Variants in UBR1 observed in about 807,000 individuals in gnomAD.
UBR1 encodes the protein ubiquitin protein ligase E3 component n-recognin 1.
In UBR1, 102 loss-of-function variants were observed where a neutral mutation model predicts 242.1. The ratio of observed to expected loss-of-function variants is 0.42; its 90% CI spans 0.36 to 0.50. The LOEUF is 0.50. Ranked by LOEUF, UBR1 falls within the 20% of genes least tolerant of loss-of-function variation. UBR1 has a pLI of 0.01. For missense variants in UBR1, 1,772 were observed against 2,101.8 expected, an observed-to-expected ratio of 0.84 and a Z score of 3.07; for synonymous variants, 675 against 684.8, an observed-to-expected ratio of 0.99 and a Z score of 0.22.
At chr15:43,034,769 C>T (rs958746505) in intron 19 of UBR1, among the ~76,000 whole-genome samples, 1 of 151,422 alleles carries the variant, frequency 6.6e-6, no homozygotes, top group African/African-American at 2.4e-5. Flanking sequence ...CCTGTAATCC[C>T]AGCTATTCAG....
chr15:42,986,271 A>T (rs1377717894), intron 35 of UBR1, among the ~76,000 whole-genome samples: 1 of 152,198 alleles, frequency 6.6e-6, no homozygotes, highest in East Asian at 1.9e-4. Context: ...TTGTTTATGT[A>T]CTAAGAATAA....
At chr15:43,076,815 GA>G (rs2033906508) in intron 3 of UBR1, among the ~76,000 whole-genome samples, 1 of 129,234 alleles carries the variant, frequency 7.7e-6, no homozygotes, top group Non-Finnish European at 1.7e-5. Context: ...CCCCGTCCGG[GA>G]GGTGAGGGGC....
intron 6 of UBR1, among the ~76,000 whole-genome samples, chr15:43,065,118 A>G (rs2033736320): frequency 6.6e-6 from 1 of 152,212 alleles, no homozygotes; most frequent in African/African-American, 2.4e-5. Flanking sequence ...ATTAACCTTT[A>G]AAGTTCCTTC....
intron 41 of UBR1, among the ~76,000 whole-genome samples, chr15:42,965,696 A>C (rs1386848505): frequency 6.6e-6 from 1 of 152,068 alleles, no homozygotes; most frequent in Non-Finnish European, 1.5e-5. Context: ...CGAACTCCTG[A>C]CCTCAAGTGA....
At chr15:43,045,452 G>A (rs1006449130) in intron 14 of UBR1, among the ~76,000 whole-genome samples, 2 of 152,052 alleles carry the variant, frequency 1.3e-5, no homozygotes, top group Middle Eastern at 3.2e-3. Flanking sequence ...GGGTGACAGA[G>A]TAAGACCTTG....
Position 43,036,514 on chromosome 15 carries a change from A to G in UBR1, c.2088+14T>C. On this transcript the variant is annotated intron_variant, in intron 18 of 46. Coordinates refer to ENST00000290650, the MANE Select transcript of UBR1 (RefSeq NM_174916.3). ...GATGAAGACACAAATATCAGAAACA[A>G]TTTAAATAGGTACCTGAAGCATGAT... 6.4e-7 allele frequency: 1 copy of G among 1,566,476 alleles called. No homozygotes were observed. Among genetic ancestry groups the G allele is most frequent in the East Asian group, 2.2e-5 (1 of 44,484 alleles).
rs768594604 is a variant in UBR1, at chr15:42,976,785, T to C, written c.4301A>G (p.Asn1434Ser). 1.9e-6 allele frequency: 3 copies of C among 1,613,874 alleles called. No homozygotes were observed. The African/African-American group carries it at 4.0e-5, about 22-fold the overall frequency. ...LQPSSVSSSY[N>S]HLYLFHLITM... ...GATCAAATGGAAGAGATAAAGGTGGTTATAGGAAGAACTAACTGAAGAAGG... is the reference window on the plus strand; with the variant it reads ...GATCAAATGGAAGAGATAAAGGTGGCTATAGGAAGAACTAACTGAAGAAGG... Residue 1434 changes from asparagine to serine, a missense_variant, in exon 39 of 47, where the codon AAC becomes AGC. By Grantham distance (46) the Asn-to-Ser change is conservative (BLOSUM62 1). Around this residue, in one of 3 missense-constraint regions of UBR1, gnomAD observed 965 missense variants for 1,079.7 expected, o/e 0.89. Coordinates refer to ENST00000290650, the MANE Select transcript of UBR1 (RefSeq NM_174916.3).
chr15:43,090,476 T>C (rs1446525133), intron 1 of UBR1, among the ~76,000 whole-genome samples: 1 of 152,154 alleles, frequency 6.6e-6, no homozygotes, highest in East Asian at 1.9e-4. Context: ...TACCTTCCAG[T>C]ATTCCTACTC....
intron 1 of UBR1, among the ~76,000 whole-genome samples, chr15:43,089,173 A>C (rs1256429448): frequency 6.7e-6 from 1 of 149,050 alleles, no homozygotes; most frequent in Non-Finnish European, 1.5e-5. Context: ...AAAAAAAAAA[A>C]ACTACATGAG....
intron 27 of UBR1, among the ~76,000 whole-genome samples, chr15:43,020,712 T>A (rs1225954863): frequency 6.6e-6 from 1 of 152,198 alleles, no homozygotes; most frequent in Non-Finnish European, 1.5e-5. Flanking sequence ...TGCCCACTTT[T>A]CCATCCCTCA....
chr15:42,966,830 A>AAAAGC, intron 40 of UBR1, among the ~76,000 whole-genome samples: 1 of 152,300 alleles, frequency 6.6e-6, no homozygotes, highest in East Asian at 1.9e-4. Context: ...GATAAAAAAC[A>AAAAGC]AAAGCAAAAC....
chr15:42,973,544 T>G (rs2032240101), intron 39 of UBR1, among the ~76,000 whole-genome samples: 1 of 152,198 alleles, frequency 6.6e-6, no homozygotes, highest in South Asian at 2.1e-4. Flanking sequence ...TCTGCCCACC[T>G]TGGCCTCCCA....
At chr15:43,039,917 T>C (rs2033393656) in intron 15 of UBR1, among the ~76,000 whole-genome samples, 1 of 152,210 alleles carries the variant, frequency 6.6e-6, no homozygotes, top group Non-Finnish European at 1.5e-5. Flanking sequence ...AAAGGCCTTT[T>C]CTGCATCTAT....
intron 14 of UBR1, among the ~76,000 whole-genome samples, chr15:43,043,933 G>GA (rs939918550): frequency 6.6e-6 from 1 of 151,564 alleles, no homozygotes. Flanking sequence ...TAAGAGGGGG[G>GA]AAAAAAAAGA....
chr15:43,028,084 C>T (rs1395098149), intron 21 of UBR1, among the ~76,000 whole-genome samples: 2 of 152,104 alleles, frequency 1.3e-5, no homozygotes, highest in Non-Finnish European at 2.9e-5. Context: ...TGTATAAGTA[C>T]ACACATACAT....
chr15:43,007,624 A>G (rs550520455), intron 29 of UBR1, among the ~76,000 whole-genome samples: 32 of 152,074 alleles, frequency 2.1e-4, no homozygotes, highest in Admixed American at 1.3e-3. Context: ...TGGAAAATCT[A>G]TAATAGTATA....
At chr15:43,084,146 T>C (rs1210384644) in intron 2 of UBR1, among the ~76,000 whole-genome samples, 2 of 152,068 alleles carry the variant, frequency 1.3e-5, no homozygotes, top group Non-Finnish European at 2.9e-5. Context: ...TATAGACCTA[T>C]TTAGAGTAGG....
intron 27 of UBR1, among the ~76,000 whole-genome samples, chr15:43,018,525 C>G (rs2033061375): frequency 6.6e-6 from 1 of 152,102 alleles, no homozygotes; most frequent in Non-Finnish European, 1.5e-5. Context: ...GTAGCTGGGA[C>G]TAGAGGCGCA....
intron 14 of UBR1, among the ~76,000 whole-genome samples, chr15:43,043,609 C>G (rs1043277052): frequency 2.0e-5 from 3 of 152,048 alleles, no homozygotes; most frequent in Non-Finnish European, 2.9e-5. Flanking sequence ...TGCCACCATG[C>G]CCAGTTTTTG....
Sources: allele counts gnomAD v4.1 joint callset (sites outside exome capture counted in the v4.1 genomes callset), GRCh38; gene constraint gnomAD v4.1.1; regional missense constraint gnomAD v4.1.1; transcripts MANE v1.5; gene names NCBI Gene and HGNC (gene_info 2026-07-23, HGNC 2026-07-21).